SCAF4: variants seen among roughly 807,000 people sequenced by gnomAD.
SCAF4 encodes the protein SR-related CTD associated factor 4.
In SCAF4, 25 loss-of-function variants were observed where a neutral mutation model predicts 129.8. The ratio of observed to expected loss-of-function variants is 0.19; its 90% CI spans 0.14 to 0.27. The LOEUF is 0.27. Among genes scored for constraint, SCAF4 ranks in the 10% least tolerant of loss-of-function variants. The pLI is 1.00. For missense variants in SCAF4, 1,246 were observed against 1,457.1 expected (o/e 0.86, Z 2.36); for synonymous variants, 551 against 497.7 (o/e 1.11, Z -1.43).
At chr21:31,700,870 G>A (rs759763431) in intron 7 of SCAF4, 125 bp downstream of exon 7, 3 of 1,081,800 alleles carry the variant, frequency 2.8e-6, no homozygotes, top group Non-Finnish European at 4.2e-6. Context: ...TTGTTGAGGG[G>A]GAAAATCTCT....
chr21:31,725,199 C>T (rs2051172395), intron 1 of SCAF4, among the ~76,000 whole-genome samples: 1 of 152,118 alleles, frequency 6.6e-6, no homozygotes, highest in Non-Finnish European at 1.5e-5. Flanking sequence ...AACTTTGAAC[C>T]CTCTGTCTAC....
At chr21:31,707,329 G>C (rs2050692051) in intron 1 of SCAF4, among the ~76,000 whole-genome samples, 1 of 152,090 alleles carries the variant, frequency 6.6e-6, no homozygotes, top group South Asian at 2.1e-4. Context: ...CTCCAGCCTG[G>C]GCAACAGAGC....
At chr21:31,686,358 C>CA (rs2050125428) in intron 16 of SCAF4, among the ~76,000 whole-genome samples, 1 of 152,094 alleles carries the variant, frequency 6.6e-6, no homozygotes, top group East Asian at 1.9e-4. Flanking sequence ...ATGGTCCTTT[C>CA]AGCAACACAG....
chr21:31,726,629 C>T (rs1173624254), intron 1 of SCAF4, among the ~76,000 whole-genome samples: 1 of 152,152 alleles, frequency 6.6e-6, no homozygotes, highest in Admixed American at 6.5e-5. Flanking sequence ...TGTGCCACTG[C>T]CCTCTAGTCT....
At chr21:31,675,875 A>C (rs1273833823) in intron 19 of SCAF4, among the ~76,000 whole-genome samples, 1 of 152,190 alleles carries the variant, frequency 6.6e-6, no homozygotes, top group Non-Finnish European at 1.5e-5. Context: ...AAGTACATTA[A>C]AGGGCTACGG....
chr21:31,713,695 TGTGTAG>T (rs2123644610), intron 1 of SCAF4, among the ~76,000 whole-genome samples: 1 of 136,434 alleles, frequency 7.3e-6, no homozygotes, highest in South Asian at 2.3e-4. Flanking sequence ...CTTTCAATAA[TGTGTAG>T]GTTCCTTCAA....
chr21:31,712,527 CTT>C (rs567950595), intron 1 of SCAF4, among the ~76,000 whole-genome samples: 2,737 of 123,918 alleles, frequency 0.022, 85 homozygotes, highest in African/African-American at 0.077. Context: ...CTGATTCTCC[CTT>C]TTTTTTTTTT....
rs766902432 is a variant in SCAF4 at position 31,696,688 on chromosome 21, C to T, written c.840G>A (p.Glu280=). 6.2e-7 allele frequency: 1 copy of T among 1,613,928 alleles called. No homozygotes were observed. The highest frequency in any genetic ancestry group is 1.7e-5 in the Admixed American group (1 of 60,008). ...CTGTCGTGGTGACGGCAGTGGTATCCTCTTTCTTTGATTCTTCCACAGCTT... is the reference window on the plus strand; with the variant it reads ...CTGTCGTGGTGACGGCAGTGGTATCTTCTTTCTTTGATTCTTCCACAGCTT... ...EPEAVEESKK[E]DTTAVTTTAP... is the part of the protein sequence containing the mutation. The change falls in exon 8 of 20, where the codon GAG becomes GAA. Residue 280 remains glutamate, a synonymous_variant. Coordinates refer to ENST00000286835, the MANE Select transcript of SCAF4 (RefSeq NM_020706.2).
chr21:31,685,133 C>G lies in SCAF4; in HGVS notation c.2404G>C (p.Val802Leu). Residue 802 changes from valine (V) to leucine (L), a missense_variant, in exon 19 of 20, where the codon GTG becomes CTG. Physicochemically the swap from Val to Leu is conservative, Grantham distance 32. Coordinates refer to ENST00000286835, the MANE Select transcript of SCAF4 (RefSeq NM_020706.2). Reference sequence around the variant, plus strand: ...GGCACGGCAGAGCCATACATTTTCACGCTGTCACCAGACTCGGCGTTTCCT... The same window carrying G: ...GGCACGGCAGAGCCATACATTTTCAGGCTGTCACCAGACTCGGCGTTTCCT... Reference protein sequence around the residue: ...ARGNAESGDSVKMYGSAVPPA... With the variant: ...ARGNAESGDSLKMYGSAVPPA... The G allele has an allele frequency of 6.2e-7, 1 of 1,613,034 alleles. No individual in the cohort carries two copies. The highest frequency in any genetic ancestry group is 8.5e-7 in the Non-Finnish European group (1 of 1,179,710).
chr21:31,717,838 TATATAC>T (rs1479841401), intron 1 of SCAF4, among the ~76,000 whole-genome samples: 15 of 99,032 alleles, frequency 1.5e-4, no homozygotes, highest in African/African-American at 5.3e-4. Flanking sequence ...TATATATATA[TATATAC>T]ACACACACAC....
chr21:31,675,538 G>A (rs77073649), intron 19 of SCAF4, among the ~76,000 whole-genome samples: 54 of 152,244 alleles, frequency 3.5e-4, no homozygotes, highest in African/African-American at 1.3e-3. Flanking sequence ...TTAACTGAGC[G>A]GATGCAGCTG....
chr21:31,718,682 T>A (rs982314645), intron 1 of SCAF4, among the ~76,000 whole-genome samples: 1 of 152,218 alleles, frequency 6.6e-6, no homozygotes, highest in Non-Finnish European at 1.5e-5. Flanking sequence ...AATGTAAACA[T>A]TACAAAACAG....
In SCAF4 at chr21:31,723,481, A is replaced by G. The variant is rs568370872; in HGVS notation, c.30+8182T>C. 2.7e-5 allele frequency among the ~76,000 whole-genome samples: 4 copies of G among 150,226 alleles called. No individual in the cohort carries two copies. In the East Asian group the frequency reaches 7.7e-4, roughly 29 times the overall value. On this transcript the variant is annotated intron_variant, in intron 1 of 19. Transcript: ENST00000286835. ...AAAAACAAAACAAAACAAACAAAAC[A>G]AAAAACAAAACAAAAAATCCTGTAA...
chr21:31,721,176 TA>T, intron 1 of SCAF4, among the ~76,000 whole-genome samples: 1 of 152,220 alleles, frequency 6.6e-6, no homozygotes, highest in South Asian at 2.1e-4. Flanking sequence ...GCCAATAATC[TA>T]CTTTCTGTCT....
intron 7 of SCAF4, among the ~76,000 whole-genome samples, chr21:31,698,183 G>T (rs561708594): frequency 6.6e-6 from 1 of 152,092 alleles, no homozygotes; most frequent in Non-Finnish European, 1.5e-5. Context: ...TTAAAATGGG[G>T]TCTACCCAAA....
intron 1 of SCAF4, among the ~76,000 whole-genome samples, chr21:31,718,083 A>T (rs953017436): frequency 6.6e-6 from 1 of 152,100 alleles, no homozygotes; most frequent in Non-Finnish European, 1.5e-5. Context: ...AGCTGGGATT[A>T]CAGGCATGTG....
chr21:31,678,783 G>C (rs1052630451), intron 19 of SCAF4, among the ~76,000 whole-genome samples: 1 of 152,030 alleles, frequency 6.6e-6, no homozygotes, highest in African/African-American at 2.4e-5. Flanking sequence ...GCCTTCCCTA[G>C]CAATCGTATT....
intron 7 of SCAF4, among the ~76,000 whole-genome samples, chr21:31,697,926 T>C (rs1295268510): frequency 6.6e-6 from 1 of 152,232 alleles, no homozygotes; most frequent in African/African-American, 2.4e-5. Flanking sequence ...CTTGCTGTTT[T>C]ACATATTTTT....
intron 10 of SCAF4, 37 bp downstream of exon 10, chr21:31,694,776 C>CA (rs765517380): frequency 7.8e-5 from 125 of 1,603,030 alleles, no homozygotes; most frequent in Middle Eastern, 1.7e-4. Context: ...GTCAAGGCAA[C>CA]AAAAAAAGAT....
Sources: allele counts gnomAD v4.1 joint callset (sites outside exome capture counted in the v4.1 genomes callset), GRCh38; gene constraint gnomAD v4.1.1; transcripts MANE v1.5; gene names NCBI Gene and HGNC (gene_info 2026-07-23, HGNC 2026-07-21).